Variants in NTS observed in about 807,000 individuals in gnomAD.
NTS encodes the protein neurotensin/neuromedin N.
In NTS, 20 loss-of-function variants were observed where a neutral mutation model predicts 19.5. The ratio of observed to expected loss-of-function variants is 1.02; its 90% CI spans 0.72 to 1.49. NTS has a LOEUF of 1.49. Among genes scored for constraint, NTS ranks in the 40% most tolerant of loss-of-function variants. The probability of loss-of-function intolerance (pLI) is 0.00; values close to 1 mark genes in which losing one functional copy is unlikely to be tolerated. For missense variants in NTS, 215 were observed against 193.1 expected (o/e 1.11, Z -0.67); for synonymous variants, 71 against 63.3 (o/e 1.12, Z -0.58).
rs1391653780 is a variant in NTS at position 85,882,510 on chromosome 12, TC to T, written c.*136del. 8.0e-5 allele frequency: 54 copies of T among 677,082 alleles called. No homozygotes were observed. Among genetic ancestry groups the T allele is most frequent in the Admixed American group, 5.4e-4 (18 of 33,414 alleles). 41.9% of individuals were successfully genotyped at this position (677,082 alleles called of 1,614,324 possible). ...ATTGTGGTTTATTGAATGTGATTTT[TC>T]TGCACTAATATAAATTAGACTAAGT... On this transcript the variant is annotated 3_prime_UTR_variant, in exon 4 of 4. Coordinates refer to ENST00000256010, the MANE Select transcript of NTS (RefSeq NM_006183.5).
chr12:85,878,756 G>A (rs1881404433), intron 3 of NTS, among the ~76,000 whole-genome samples, 187 bp downstream of exon 3: 1 of 151,984 alleles, frequency 6.6e-6, no homozygotes, highest in East Asian at 1.9e-4. Context: ...TTGAAACTCA[G>A]CAAAATATGT....
At chr12:85,877,778 T>C (rs1452082801) in intron 2 of NTS, among the ~76,000 whole-genome samples, 1 of 152,100 alleles carries the variant, frequency 6.6e-6, no homozygotes, top group African/African-American at 2.4e-5. Context: ...AAGTTAATAG[T>C]CCGTGTTAGA....
At chr12:85,880,901 G>A (rs971240135) in intron 3 of NTS, among the ~76,000 whole-genome samples, 1 of 152,138 alleles carries the variant, frequency 6.6e-6, no homozygotes, top group Non-Finnish European at 1.5e-5. Context: ...GCAGTGAGCT[G>A]AGATCACGGC....
intron 3 of NTS, among the ~76,000 whole-genome samples, chr12:85,880,929 G>C (rs1000086228): frequency 3.9e-5 from 6 of 152,086 alleles, no homozygotes; most frequent in Non-Finnish European, 7.4e-5. Context: ...TCCAGCCTGG[G>C]CGACAGAGCG....
In NTS at chr12:85,874,461, T is replaced by C; in HGVS notation, c.58T>C (p.Trp20Arg). ...CATGCTACTCCTGGCTTTCAGCTCC[T>C]GGAGTCTGTGCTCAGGTAAGCAAAA... ...VCMLLLAFSSWSLCSDSEEEM... is the reference protein window; with the variant it reads ...VCMLLLAFSSRSLCSDSEEEM... Residue 20 changes from tryptophan (W) to arginine (R), a missense_variant, in exon 1 of 4, where the codon TGG becomes CGG. Transcript: ENST00000256010. 1.2e-6 allele frequency: 2 copies of C among 1,612,230 alleles called. No homozygotes were observed. Among genetic ancestry groups the C allele is most frequent in the Non-Finnish European group, 1.7e-6 (2 of 1,178,318 alleles).
intron 2 of NTS, chr12:85,878,001 TAG>T (rs1006798459): frequency 6.2e-6 from 1 of 160,030 alleles, no homozygotes; most frequent in South Asian, 2.0e-4. Context: ...TGAAATGTAA[TAG>T]AGACAGAATA....
At chr12:85,874,897 A>G (rs928700589) in intron 1 of NTS, among the ~76,000 whole-genome samples, 3 of 152,164 alleles carry the variant, frequency 2.0e-5, no homozygotes, top group Non-Finnish European at 4.4e-5. Context: ...GGTGGCCCTC[A>G]CGCCCTTGTA....
intron 1 of NTS, among the ~76,000 whole-genome samples, chr12:85,875,009 G>A (rs1447187628): frequency 6.6e-6 from 1 of 152,080 alleles, no homozygotes; most frequent in Non-Finnish European, 1.5e-5. Context: ...ATTATTTCTA[G>A]AAAAATACAA....
intron 1 of NTS, 121 bp downstream of exon 1, chr12:85,874,597 C>T (rs1881288893): frequency 3.4e-6 from 2 of 584,136 alleles, no homozygotes; most frequent in African/African-American, 1.8e-5. Context: ...CAGGATTTAC[C>T]TTTTAGTGAC....
intron 2 of NTS, chr12:85,877,989 G>A (rs577831728): frequency 6.4e-6 from 1 of 156,712 alleles, no homozygotes; most frequent in East Asian, 1.9e-4. Flanking sequence ...TACATGTTAA[G>A]CTGAAATGTA....
At chr12:85,880,582 A>C (rs1881480351) in intron 3 of NTS, among the ~76,000 whole-genome samples, 1 of 152,326 alleles carries the variant, frequency 6.6e-6, no homozygotes, top group East Asian at 1.9e-4. Context: ...ATAATTTCTA[A>C]ACAAAAAACT....
chr12:85,881,033 T>A (rs1471706365), intron 3 of NTS, among the ~76,000 whole-genome samples: 1 of 152,138 alleles, frequency 6.6e-6, no homozygotes, highest in Non-Finnish European at 1.5e-5. Context: ...TTATATGTTA[T>A]TTATCCAAAA....
intron 3 of NTS, among the ~76,000 whole-genome samples, chr12:85,880,439 T>G (rs1173029422): frequency 6.6e-6 from 1 of 152,152 alleles, no homozygotes; most frequent in Non-Finnish European, 1.5e-5. Flanking sequence ...GGATTTACAC[T>G]AACATTGGGG....
At chr12:85,875,127 C>A (rs2136588606) in intron 1 of NTS, among the ~76,000 whole-genome samples, 1 of 152,110 alleles carries the variant, frequency 6.6e-6, no homozygotes, top group East Asian at 1.9e-4. Context: ...ATACAAAATA[C>A]AATTGGAAAA....
intron 3 of NTS, among the ~76,000 whole-genome samples, chr12:85,880,310 AG>A (rs1881473235): frequency 6.6e-6 from 1 of 152,164 alleles, no homozygotes; most frequent in Non-Finnish European, 1.5e-5. Context: ...AAAGAAGAGA[AG>A]GGGGAAGAAA....
rs546594364 is a variant in NTS, at chr12:85,874,319, G to A, written c.-85G>A. On this transcript the variant is annotated 5_prime_UTR_variant, in exon 1 of 4. Coordinates refer to ENST00000256010, the MANE Select transcript of NTS (RefSeq NM_006183.5). Reference sequence around the variant, plus strand: ...CATAGTTCACTCACTTTCAAAGCCAGCTGAAGGAAAGAGGAAGTGCTAGAG... The same window carrying A: ...CATAGTTCACTCACTTTCAAAGCCAACTGAAGGAAAGAGGAAGTGCTAGAG... The A allele has an allele frequency of 1.7e-3, 1,598 of 925,564 alleles. 7 individuals carry two copies. Among genetic ancestry groups the A allele is most frequent in the Middle Eastern group, 7.8e-3 (36 of 4,600 alleles). The allele number at this position is 925,564 out of a possible 1,614,324, so 57.3% of individuals were successfully genotyped here. A position where few individuals can be genotyped will look rare whatever the true frequency, so the allele number is the denominator to read the frequency against.
chr12:85,879,039 T>TACGTATATTTTA lies in NTS; in HGVS notation c.360+471_360+472insCGTATATTTTAA, dbSNP rs1881413362. Reference sequence around the variant, plus strand: ...TATTAGGCAAATAAAAATATATTTTTATGTACATAAAATATATTTTTATGT... The same window carrying TACGTATATTTTA: ...TATTAGGCAAATAAAAATATATTTTTACGTATATTTTAATGTACATAAAATATATTTTTATGT... On this transcript the variant is annotated intron_variant, in intron 3 of 3. Transcript: ENST00000256010. 1.5e-5 allele frequency among the ~76,000 whole-genome samples: 2 copies of TACGTATATTTTA among 132,074 alleles called. 1 individual carries two copies. Among genetic ancestry groups the TACGTATATTTTA allele is most frequent in the Non-Finnish European group, 3.6e-5 (2 of 56,160 alleles). The allele number at this position is 132,074 out of a possible 152,430, so 86.6% of individuals were successfully genotyped here. A position where few individuals can be genotyped will look rare whatever the true frequency, so the allele number is the denominator to read the frequency against.
At position 85,880,126 on chromosome 12, in the gene NTS, A is replaced by C. The variant is rs1008450707; in HGVS notation, c.360+1557A>C. On this transcript the variant is annotated intron_variant, in intron 3 of 3. Coordinates refer to ENST00000256010, the MANE Select transcript of NTS (RefSeq NM_006183.5). ...ATATATAGTAAGGATATATATCCCCATCATTTCAGTTTATTTGGAAACCTT... is the reference window on the plus strand; with the variant it reads ...ATATATAGTAAGGATATATATCCCCCTCATTTCAGTTTATTTGGAAACCTT... Among the ~76,000 whole-genome samples, 9 of 151,400 alleles carry C rather than the reference A, an allele frequency of 5.9e-5. No individual in the cohort carries two copies. The South Asian group carries it at 1.2e-3, about 21-fold the overall frequency.
intron 2 of NTS, 165 bp from the exon 3 acceptor site, chr12:85,878,180 G>C (rs1015528928): frequency 2.3e-5 from 12 of 523,742 alleles, no homozygotes; most frequent in Non-Finnish European, 3.4e-5. Flanking sequence ...TGAGATATTG[G>C]CAGTATACAA....
Sources: gnomAD v4.1 joint callset for allele counts (sites outside exome capture counted in the v4.1 genomes callset) on GRCh38, gnomAD v4.1.1 for gene constraint, MANE v1.5 for transcripts, NCBI Gene and HGNC (gene_info 2026-07-23, HGNC 2026-07-21) for gene names.